TNRC6B: variants seen among roughly 807,000 people sequenced by gnomAD.
TNRC6B encodes the protein trinucleotide repeat-containing gene 6B protein.
TNRC6B carries 52 observed loss-of-function variants against 203.6 expected under a neutral mutation model. The ratio of observed to expected loss-of-function variants is 0.26; its 90% CI spans 0.20 to 0.32. TNRC6B has a LOEUF of 0.32. Ranked by LOEUF, TNRC6B falls within the 10% of genes least tolerant of loss-of-function variation. The pLI is 1.00. For synonymous variants in TNRC6B, 838 were observed against 845.7 expected (o/e 0.99, Z 0.16); for missense variants, 1,923 against 2,286.2 (o/e 0.84, Z 3.24).
chr22:40,335,615 G>C lies in TNRC6B; in HGVS notation c.*12374G>C, dbSNP rs2044024462. The C allele has an allele frequency of 1.3e-5, 2 of 151,512 alleles. No homozygotes were observed. The highest frequency in any genetic ancestry group is 2.4e-5 in the African/African-American group (1 of 41,246). 9.4% of individuals were successfully genotyped at this position (151,512 alleles called of 1,614,324 possible). On this transcript the variant is annotated 3_prime_UTR_variant, in exon 23 of 23. Coordinates refer to ENST00000454349, the MANE Select transcript of TNRC6B (RefSeq NM_001162501.2). ...GAGATGATGTAATGCATATATAAGA[G>C]TTTTCTGAAGGGTTTTTTTTGGGCT...
rs567585592 is a variant in TNRC6B, at chr22:40,249,124, C to G, written c.94-2055C>G. ...GCCTCTTCTAAGGGCTTCCACATCT[C>G]TCATGCTGCTTTCCCCAGTGCTTTT... On this transcript the variant is annotated intron_variant, in intron 2 of 22. Coordinates refer to ENST00000454349, the MANE Select transcript of TNRC6B (RefSeq NM_001162501.2). Among the ~76,000 whole-genome samples, 3 of 152,334 alleles carry G rather than the reference C, an allele frequency of 2.0e-5. No individual in the cohort carries two copies. The South Asian group carries it at 6.2e-4, about 32-fold the overall frequency.
At position 40,182,794 on chromosome 22, in the gene TNRC6B, G is replaced by A. The variant is rs150185544; in HGVS notation, c.5+4654G>A. 4.6e-5 allele frequency among the ~76,000 whole-genome samples: 7 copies of A among 152,332 alleles called. No individual in the cohort carries two copies. The East Asian group carries it at 1.3e-3, about 29-fold the overall frequency. On this transcript the variant is annotated intron_variant, in intron 1 of 22. Transcript: ENST00000454349. Reference sequence around the variant, plus strand: ...TTCTGGTAGTTTTGGAGACTTCATTGAAGGTTTGACTTGATAGTCACTTTA... The same window carrying A: ...TTCTGGTAGTTTTGGAGACTTCATTAAAGGTTTGACTTGATAGTCACTTTA...
At chr22:40,083,315 A>G (rs1315778138) in intron 1 of TNRC6B, among the ~76,000 whole-genome samples, 1 of 152,188 alleles carries the variant, frequency 6.6e-6, no homozygotes, top group East Asian at 1.9e-4. Flanking sequence ...TCATTTTAAA[A>G]AAGAGGGAAT....
At chr22:40,302,632 CAAA>C (rs200078286) in intron 15 of TNRC6B, among the ~76,000 whole-genome samples, 4 of 70,464 alleles carry the variant, frequency 5.7e-5, no homozygotes, top group Admixed American at 1.6e-4. Context: ...GACCCCATCT[CAAA>C]AAAAAAAAAA....
At chr22:40,065,148 T>C (rs867130091) in intron 1 of TNRC6B, among the ~76,000 whole-genome samples, 1 of 152,062 alleles carries the variant, frequency 6.6e-6, no homozygotes, top group Non-Finnish European at 1.5e-5. Flanking sequence ...ATAATTGATA[T>C]TAATTTTTCT....
At chr22:40,103,234 C>T (rs554372989) in intron 1 of TNRC6B, among the ~76,000 whole-genome samples, 1 of 151,538 alleles carries the variant, frequency 6.6e-6, no homozygotes, top group South Asian at 2.1e-4. Context: ...TGCCACTGCA[C>T]TCCAGCCTGG....
chr22:40,260,709 G>C (rs1250309744), intron 3 of TNRC6B, among the ~76,000 whole-genome samples: 1 of 152,134 alleles, frequency 6.6e-6, no homozygotes, highest in Non-Finnish European at 1.5e-5. Flanking sequence ...CTTTGCCATG[G>C]ACATTTAACT....
chr22:40,303,250 T>C (rs893782226), intron 15 of TNRC6B, among the ~76,000 whole-genome samples: 3 of 151,950 alleles, frequency 2.0e-5, no homozygotes, highest in Admixed American at 6.6e-5. Flanking sequence ...GGTCTTGAAC[T>C]CCTGACCTCA....
At chr22:40,194,630 C>T (rs2069313817) in intron 1 of TNRC6B, among the ~76,000 whole-genome samples, 1 of 152,190 alleles carries the variant, frequency 6.6e-6, no homozygotes, top group Admixed American at 6.5e-5. Context: ...ACCTGCTTTG[C>T]ACATGCTTGA....
intron 3 of TNRC6B, chr22:40,125,919 G>C: frequency 6.5e-7 from 1 of 1,534,878 alleles, no homozygotes; most frequent in Non-Finnish European, 8.8e-7. Context: ...AGAGGCTGTG[G>C]ATGAGTAGAA....
chr22:40,271,070 T>G (rs570983574), intron 6 of TNRC6B, among the ~76,000 whole-genome samples: 131 of 152,312 alleles, frequency 8.6e-4, no homozygotes, highest in Middle Eastern at 3.4e-3. Flanking sequence ...TTCACTTCAA[T>G]TTTTTAAATG....
intron 1 of TNRC6B, among the ~76,000 whole-genome samples, chr22:40,058,398 A>G (rs1053183100): frequency 3.8e-4 from 41 of 107,352 alleles, no homozygotes; most frequent in Non-Finnish European, 5.2e-4. Context: ...TTGTGACTCA[A>G]TGTGCTTTAG....
At chr22:40,157,799 G>A (rs2068831046) in intron 4 of TNRC6B, among the ~76,000 whole-genome samples, 1 of 152,128 alleles carries the variant, frequency 6.6e-6, no homozygotes, top group African/African-American at 2.4e-5. Flanking sequence ...AGGGTTTTCT[G>A]TGCACAAGGT....
rs1167289170 is a variant in TNRC6B, at chr22:40,270,313, C to A, written c.2965+33C>A. 4 of 1,218,538 alleles carry A rather than the reference C, an allele frequency of 3.3e-6. No homozygotes were observed. The Admixed American group carries it at 1.7e-4, about 53-fold the overall frequency. The allele number at this position is 1,218,538 out of a possible 1,614,324, so 75.5% of individuals were successfully genotyped here. Reference sequence around the variant, plus strand: ...TGAAGCTTTTCATTTTTGAGGGATCCTTTTTTTTTTTTTTTTTTAATTGAG... The same window carrying A: ...TGAAGCTTTTCATTTTTGAGGGATCATTTTTTTTTTTTTTTTTTAATTGAG... On this transcript the variant is annotated intron_variant, in intron 6 of 22. Transcript: ENST00000454349.
intron 1 of TNRC6B, among the ~76,000 whole-genome samples, chr22:40,225,401 A>G (rs749777956): frequency 6.6e-6 from 1 of 152,228 alleles, no homozygotes; most frequent in Non-Finnish European, 1.5e-5. Context: ...AATCCTTCTC[A>G]TAGCTTAAGA....
chr22:40,211,004 G>A (rs1174022045), intron 1 of TNRC6B, among the ~76,000 whole-genome samples: 1 of 152,096 alleles, frequency 6.6e-6, no homozygotes, highest in East Asian at 1.9e-4. Context: ...AATCATCCTT[G>A]CTGAAAACCA....
At chr22:40,222,151 A>G (rs2069718860) in intron 1 of TNRC6B, among the ~76,000 whole-genome samples, 1 of 152,084 alleles carries the variant, frequency 6.6e-6, no homozygotes, top group African/African-American at 2.4e-5. Flanking sequence ...AAGTAAAAAT[A>G]GGGAGTCCCT....
intron 21 of TNRC6B, among the ~76,000 whole-genome samples, chr22:40,316,422 T>C (rs2071260475): frequency 6.6e-6 from 1 of 151,602 alleles, no homozygotes. Context: ...TCCCAGCACC[T>C]TGGGAGGCCA....
intron 2 of TNRC6B, among the ~76,000 whole-genome samples, chr22:40,124,807 G>A (rs949376181): frequency 2.0e-5 from 3 of 151,878 alleles, no homozygotes; most frequent in Admixed American, 6.6e-5. Context: ...GAGGTCAGGA[G>A]TTCAAGACCA....
Sources: allele counts gnomAD v4.1 joint callset (sites outside exome capture counted in the v4.1 genomes callset), GRCh38; gene constraint gnomAD v4.1.1; transcripts MANE v1.5; gene names NCBI Gene and HGNC (gene_info 2026-07-23, HGNC 2026-07-21).